MAML3: variants seen among roughly 807,000 people sequenced by gnomAD.
MAML3 encodes the protein mastermind-like protein 3.
MAML3 carries 27 observed loss-of-function variants against 101.9 expected under a neutral mutation model. That is an observed-to-expected ratio of 0.27 (90% CI 0.20 to 0.37). The LOEUF (loss-of-function observed/expected upper bound fraction) is 0.37. Ranked by LOEUF, MAML3 falls within the 10% of genes least tolerant of loss-of-function variation. The probability of loss-of-function intolerance (pLI) is 1.00; values close to 1 mark genes in which losing one functional copy is unlikely to be tolerated. For synonymous variants in MAML3, 501 were observed against 555.9 expected (o/e 0.90, Z 1.39); for missense variants, 1,316 against 1,444.9 (o/e 0.91, Z 1.45).
At chr4:140,104,381 A>ATATATATTATATAATATAT (rs1728305249) in intron 1 of MAML3, among the ~76,000 whole-genome samples, 2 of 47,736 alleles carry the variant, frequency 4.2e-5, no homozygotes, top group African/African-American at 9.9e-5. Flanking sequence ...TATATAATAT[A>ATATATATTATATAATATAT]TATATATTAT....
intron 1 of MAML3, among the ~76,000 whole-genome samples, chr4:139,963,426 G>C (rs1458407733): frequency 2.0e-5 from 3 of 152,124 alleles, no homozygotes; most frequent in African/African-American, 7.2e-5. Flanking sequence ...GAGTAGCAAG[G>C]GTACAAAAAC....
chr4:139,879,342 A>G (rs1207119119), intron 2 of MAML3, among the ~76,000 whole-genome samples: 1 of 151,906 alleles, frequency 6.6e-6, no homozygotes, highest in Non-Finnish European at 1.5e-5. Context: ...CCTGGCCAAC[A>G]TGGTGAAACC....
chr4:140,076,250 G>A (rs1329203579), intron 1 of MAML3, among the ~76,000 whole-genome samples: 4 of 152,124 alleles, frequency 2.6e-5, no homozygotes, highest in Non-Finnish European at 5.9e-5. Context: ...ACCAAGGTCT[G>A]TGAAGATCAA....
intron 1 of MAML3, among the ~76,000 whole-genome samples, chr4:140,145,878 CTTT>C (rs10625860): frequency 9.2e-6 from 1 of 108,476 alleles, no homozygotes; most frequent in African/African-American, 3.5e-5. Context: ...TTTCTTTTTT[CTTT>C]TTTTTTTTTG....
In MAML3 at chr4:139,890,865, G is replaced by T. The variant is rs528740017; in HGVS notation, c.571C>A (p.Arg191=). The stretch of plus-strand genomic sequence containing the variant: ...CCCGCAGAAATGTCCTTTCGAATTC[G>T]TTTGCTAGTCGGAGAAAAATTCCCA... The part of the protein sequence containing the change: ...CDGNFSPTSK[R]IRKDISAGME... Residue 191 remains arginine, a synonymous_variant, in exon 2 of 5, where the codon CGA becomes AGA. Transcript: ENST00000509479. This position sits in a 1 kb window ranked among gnomAD's most constrained non-coding sequence, Gnocchi z 4.1. 1 of 1,613,866 alleles carries T rather than the reference G, an allele frequency of 6.2e-7. No individual in the cohort carries two copies. The highest frequency in any genetic ancestry group is 1.3e-5 in the African/African-American group (1 of 75,054).
In MAML3 at chr4:139,889,808, T is replaced by C. The variant is rs547867749; in HGVS notation, c.1628A>G (p.Tyr543Cys). The C allele has an allele frequency of 2.5e-6, 4 of 1,613,946 alleles. No individual in the cohort carries two copies. The highest frequency in any genetic ancestry group is 2.2e-5 in the East Asian group (1 of 44,870). The change falls in exon 2 of 5, where the codon TAC (tyrosine) becomes TGC (cysteine). Residue 543 changes from tyrosine (Y) to cysteine (C), a missense_variant. Physicochemically the swap from Tyr to Cys is radical, Grantham distance 194. Coordinates refer to ENST00000509479, the MANE Select transcript of MAML3 (RefSeq NM_018717.5). ...TAEKPNSPMMYPQAFNNQNPI... is the reference protein window; with the variant it reads ...TAEKPNSPMMCPQAFNNQNPI... ...GTTTTGGTTGTTAAAGGCTTGGGGG[T>C]ACATCATTGGGCTATTTGGTTTTTC...
chr4:140,109,569 A>G (rs756951615), intron 1 of MAML3, among the ~76,000 whole-genome samples: 6 of 152,126 alleles, frequency 3.9e-5, no homozygotes, highest in Admixed American at 6.5e-5. Flanking sequence ...ACACCCAGAA[A>G]CGATTTCTTC....
intron 2 of MAML3, among the ~76,000 whole-genome samples, chr4:139,826,611 A>T (rs925115098): frequency 6.6e-6 from 1 of 152,202 alleles, no homozygotes; most frequent in Non-Finnish European, 1.5e-5. Flanking sequence ...TCCCTCAGAC[A>T]ACTATCTGCA....
intron 1 of MAML3, among the ~76,000 whole-genome samples, chr4:139,954,653 G>A (rs1733886772): frequency 6.6e-6 from 1 of 152,158 alleles, no homozygotes; most frequent in Non-Finnish European, 1.5e-5. Flanking sequence ...GAACGGGGGT[G>A]GATGCAAGAG....
chr4:139,731,437 A>T (rs1422939416), intron 2 of MAML3: 2 of 47,706 alleles, frequency 4.2e-5, no homozygotes, highest in South Asian at 9.6e-4. Context: ...GTCTCTACTA[A>T]AAAAAAAAAA....
chr4:139,980,126 A>G (rs913843755), intron 1 of MAML3, among the ~76,000 whole-genome samples: 3 of 152,206 alleles, frequency 2.0e-5, no homozygotes, highest in Admixed American at 6.5e-5. Flanking sequence ...CCCGGACTCC[A>G]GCTAGCTGTC....
chr4:139,907,502 A>G (rs1040038765), intron 1 of MAML3, among the ~76,000 whole-genome samples: 4 of 152,256 alleles, frequency 2.6e-5, no homozygotes, highest in African/African-American at 9.6e-5. Flanking sequence ...TTTGGTAAAC[A>G]TGAAAGAAAA....
intron 1 of MAML3, among the ~76,000 whole-genome samples, chr4:140,069,381 AAGAAGGAGGAGGAGGAGG>A (rs1560883523): frequency 7.0e-5 from 7 of 99,626 alleles, no homozygotes; most frequent in Non-Finnish European, 1.3e-4. Context: ...GAAGAAGAAG[AAGAAGGAGGAGGAGGAGG>A]AGGAGGAGGA....
intron 1 of MAML3, among the ~76,000 whole-genome samples, chr4:139,903,422 A>G (rs1056907664): frequency 2.0e-5 from 3 of 152,236 alleles, no homozygotes; most frequent in Non-Finnish European, 2.9e-5. Context: ...ATGTACCCTT[A>G]TTACAGAATC....
At chr4:139,744,857 G>T (rs1274441800) in intron 2 of MAML3, among the ~76,000 whole-genome samples, 2 of 152,230 alleles carry the variant, frequency 1.3e-5, no homozygotes, top group Admixed American at 6.5e-5. Context: ...AGGCTGACCA[G>T]ACCCGGGATG....
chr4:139,861,143 T>C (rs913108931), intron 2 of MAML3, among the ~76,000 whole-genome samples: 3 of 152,184 alleles, frequency 2.0e-5, no homozygotes, highest in Non-Finnish European at 2.9e-5. Flanking sequence ...TTGATCTTTC[T>C]GTAGTAGCCA....
intron 2 of MAML3, among the ~76,000 whole-genome samples, chr4:139,854,849 G>A (rs1056782034): frequency 4.1e-5 from 4 of 98,698 alleles, no homozygotes; most frequent in African/African-American, 1.1e-4. Flanking sequence ...AGACTCCACT[G>A]CAAGGATATC....
At chr4:139,804,694 T>C (rs1014267327) in intron 2 of MAML3, among the ~76,000 whole-genome samples, 4 of 152,256 alleles carry the variant, frequency 2.6e-5, no homozygotes, top group Admixed American at 2.6e-4. Context: ...TATTAATTTA[T>C]ATCTGCTTAT....
At chr4:139,989,987 G>A (rs1184440195) in intron 1 of MAML3, among the ~76,000 whole-genome samples, 2 of 151,444 alleles carry the variant, frequency 1.3e-5, no homozygotes, top group Non-Finnish European at 2.9e-5. Context: ...ATATTGTCAG[G>A]TAAAAGAAAA....
Sources: gnomAD v4.1 joint callset for allele counts (sites outside exome capture counted in the v4.1 genomes callset) on GRCh38, gnomAD v4.1.1 for gene constraint, Gnocchi (gnomAD v3.1) non-coding constraint, MANE v1.5 for transcripts, NCBI Gene and HGNC (gene_info 2026-07-23, HGNC 2026-07-21) for gene names.